The following IFT74 variants were observed in gnomAD, a reference collection of about 807,000 sequenced individuals.
IFT74 encodes intraflagellar transport protein 74 homolog.
Under a neutral mutation model 96.7 loss-of-function variants are expected in IFT74, and 92 were observed. The ratio of observed to expected loss-of-function variants is 0.95; its 90% CI spans 0.80 to 1.13. The LOEUF (loss-of-function observed/expected upper bound fraction) is 1.13, where lower values mean the gene tolerates loss of function less well. Among genes scored for constraint, IFT74 ranks in the 50% most tolerant of loss-of-function variants. The probability of loss-of-function intolerance (pLI) is 0.00; values close to 1 mark genes in which losing one functional copy is unlikely to be tolerated. For missense variants in IFT74, 811 were observed against 698.2 expected (o/e 1.16, Z -1.82); for synonymous variants, 223 against 213.2 (o/e 1.05, Z -0.40).
chr9:27,036,589 A>G, intron 13 of IFT74: 1 of 1,579,538 alleles, frequency 6.3e-7, no homozygotes, highest in Non-Finnish European at 8.6e-7. Flanking sequence ...CCATTGTTTC[A>G]CAGATCTTCA....
intron 12 of IFT74, among the ~76,000 whole-genome samples, chr9:27,026,756 TA>T (rs1829878891): frequency 6.6e-6 from 1 of 152,144 alleles, no homozygotes; most frequent in Non-Finnish European, 1.5e-5. Flanking sequence ...GATGGAAATT[TA>T]AAAATTCTTT....
chr9:27,054,149 C>T (rs1190001521), intron 16 of IFT74, among the ~76,000 whole-genome samples: 1 of 152,196 alleles, frequency 6.6e-6, no homozygotes, highest in Non-Finnish European at 1.5e-5. Flanking sequence ...AAATCAGTGA[C>T]TTTCGAAGCA....
At chr9:27,016,826 C>A in intron 10 of IFT74, 81 bp from the exon 11 acceptor site, 3 of 1,070,460 alleles carry the variant, frequency 2.8e-6, no homozygotes, top group South Asian at 1.9e-5. Context: ...AATTTACCCC[C>A]ATTCTTATAA....
intron 4 of IFT74, among the ~76,000 whole-genome samples, chr9:26,983,228 C>G (rs539120237): frequency 1.3e-5 from 2 of 152,150 alleles, no homozygotes; most frequent in Non-Finnish European, 2.9e-5. Context: ...GTAAGGCCAT[C>G]AGTTGTTTAG....
intron 16 of IFT74, among the ~76,000 whole-genome samples, chr9:27,054,357 G>A (rs184180231): frequency 6.2e-4 from 94 of 152,210 alleles, no homozygotes; most frequent in Admixed American, 2.3e-3. Context: ...TCTTTAGAGA[G>A]CTCTCTTCAT....
intron 8 of IFT74, among the ~76,000 whole-genome samples, chr9:26,991,036 T>C (rs1827842367): frequency 6.6e-6 from 1 of 152,246 alleles, no homozygotes; most frequent in African/African-American, 2.4e-5. Context: ...AATATTAGTC[T>C]CTTTGAGAGC....
rs749035336 is a variant in IFT74, at chr9:27,017,060, A to G, written c.933+10A>G. 3.1e-6 allele frequency: 5 copies of G among 1,590,610 alleles called. No individual in the cohort carries two copies. Among genetic ancestry groups the G allele is most frequent in the South Asian group, 1.2e-5 (1 of 86,064 alleles). On this transcript the variant is annotated intron_variant, in intron 11 of 19. Coordinates refer to ENST00000380062, the MANE Select transcript of IFT74 (RefSeq NM_025103.4). Reference sequence around the variant, plus strand: ...GAAATTACTTAAGCAGGTGGGCAAAACAAACATACTTATTTTAAGATGTCT... The same window carrying G: ...GAAATTACTTAAGCAGGTGGGCAAAGCAAACATACTTATTTTAAGATGTCT...
At chr9:27,014,646 G>T (rs1406519593) in intron 10 of IFT74, among the ~76,000 whole-genome samples, 4 of 152,078 alleles carry the variant, frequency 2.6e-5, no homozygotes, top group Non-Finnish European at 5.9e-5. Flanking sequence ...GTCTTGCTCT[G>T]TTGCCCAGGC....
At chr9:27,046,940 C>T (rs992187452) in intron 14 of IFT74, among the ~76,000 whole-genome samples, 3 of 152,090 alleles carry the variant, frequency 2.0e-5, no homozygotes, top group South Asian at 2.1e-4. Flanking sequence ...TTTGGGAGGC[C>T]GAGGCGGGTG....
chr9:26,970,770 C>G (rs769382856), intron 2 of IFT74, among the ~76,000 whole-genome samples: 4 of 152,192 alleles, frequency 2.6e-5, no homozygotes, highest in Non-Finnish European at 5.9e-5. Flanking sequence ...TATTCCTGGC[C>G]CCTATGCTCA....
chr9:26,991,434 A>G (rs1236711324), intron 8 of IFT74, among the ~76,000 whole-genome samples: 3 of 152,154 alleles, frequency 2.0e-5, no homozygotes, highest in South Asian at 2.1e-4. Flanking sequence ...TGCTCAGGCT[A>G]GTCTCAAACT....
At chr9:26,969,024 T>G (rs1330785851) in intron 2 of IFT74, among the ~76,000 whole-genome samples, 1 of 152,166 alleles carries the variant, frequency 6.6e-6, no homozygotes. Context: ...GTTTTTCTAC[T>G]TTTTTAATGT....
chr9:27,033,298 C>T (rs947844490), intron 13 of IFT74, among the ~76,000 whole-genome samples: 1 of 151,672 alleles, frequency 6.6e-6, no homozygotes, highest in Non-Finnish European at 1.5e-5. Flanking sequence ...TGGCTCATGC[C>T]TATAATCCTA....
chr9:26,954,913 C>G (rs886908583), upstream of IFT74, among the ~76,000 whole-genome samples: 3 of 152,080 alleles, frequency 2.0e-5, no homozygotes, highest in African/African-American at 7.2e-5. Context: ...ATGGTGCCTA[C>G]TCTAAGGAAG....
chr9:27,003,201 G>GT (rs1335521669), intron 8 of IFT74, among the ~76,000 whole-genome samples: 1 of 150,958 alleles, frequency 6.6e-6, no homozygotes, highest in Non-Finnish European at 1.5e-5. Context: ...AGTATTTAGG[G>GT]TTTGTTTTTT....
At chr9:26,988,068 T>C (rs906047928) in intron 6 of IFT74, among the ~76,000 whole-genome samples, 14 of 152,118 alleles carry the variant, frequency 9.2e-5, no homozygotes, top group African/African-American at 3.4e-4. Context: ...TTCTCCTGCC[T>C]CAGTCTCTCT....
chr9:26,951,444 G>A (rs117392233), upstream of IFT74, among the ~76,000 whole-genome samples: 136 of 152,140 alleles, frequency 8.9e-4, no homozygotes, highest in Admixed American at 3.7e-3. Context: ...CTTTGGGCTG[G>A]TATAGCACAA....
intron 16 of IFT74, among the ~76,000 whole-genome samples, chr9:27,055,147 T>C (rs1327772079): frequency 6.6e-6 from 1 of 152,198 alleles, no homozygotes; most frequent in Admixed American, 6.5e-5. Context: ...GCTAACTCAT[T>C]GTTCACAATA....
chr9:27,022,395 A>C (rs952315661), intron 12 of IFT74, among the ~76,000 whole-genome samples: 1 of 152,044 alleles, frequency 6.6e-6, no homozygotes, highest in Non-Finnish European at 1.5e-5. Context: ...TGGGAATTGC[A>C]TTGAACTTGT....
Sources: gnomAD v4.1 joint callset for allele counts (sites outside exome capture counted in the v4.1 genomes callset) on GRCh38, gnomAD v4.1.1 for gene constraint, MANE v1.5 for transcripts, NCBI Gene and HGNC (gene_info 2026-07-23, HGNC 2026-07-21) for gene names.